C1QTNF1: variants seen among roughly 807,000 people sequenced by gnomAD.
The protein encoded by C1QTNF1 is complement C1q tumor necrosis factor-related protein 1.
In C1QTNF1, 22 loss-of-function variants were observed where a neutral mutation model predicts 27.8. That is an observed-to-expected ratio of 0.79 (90% CI 0.56 to 1.13). The LOEUF (loss-of-function observed/expected upper bound fraction) is 1.13. C1QTNF1 is among the 50% of genes most tolerant of loss of function. The pLI is 0.00. For synonymous variants in C1QTNF1, 166 were observed against 154.3 expected, an observed-to-expected ratio of 1.08 and a Z score of -0.56; for missense variants, 373 against 380.2, an observed-to-expected ratio of 0.98 and a Z score of 0.16.
rs182886833 is a variant in C1QTNF1 at position 79,046,729 on chromosome 17, G to A, written c.295+35G>A. 151 of 1,613,196 alleles carry A rather than the reference G, an allele frequency of 9.4e-5. No individual in the cohort carries two copies. The African/African-American group carries it at 1.5e-3, about 16-fold the overall frequency. ...CTGCAAAGACAAGCACGGGGTGGCC[G>A]GGCTGCTCTGTGCTGATCCGGAGGA... is the stretch of plus-strand genomic sequence containing the variant. On this transcript the variant is annotated intron_variant, in intron 3 of 3. Coordinates refer to ENST00000579760, the MANE Select transcript of C1QTNF1 (RefSeq NM_030968.5). This position sits in a 1 kb window ranked among gnomAD's most constrained non-coding sequence, Gnocchi z 4.8.
At chr17:79,036,532 A>G (rs1456543422) in intron 1 of C1QTNF1, among the ~76,000 whole-genome samples, 1 of 152,138 alleles carries the variant, frequency 6.6e-6, no homozygotes, top group African/African-American at 2.4e-5. Context: ...TGAAGAACTG[A>G]ATTTTGAATT....
At chr17:79,027,526 C>G (rs2072002596) in intron 1 of C1QTNF1, 2 of 152,316 alleles carry the variant, frequency 1.3e-5, no homozygotes, top group Non-Finnish European at 2.9e-5. Flanking sequence ...TGCTGGGGTC[C>G]TTGGCCTGGA....
rs1345267700 is a variant in C1QTNF1 at position 79,048,148 on chromosome 17, C to CAGGCTGACCCCACT, written c.*60_*61insAGGCTGACCCCACT. 3 of 947,766 alleles carry CAGGCTGACCCCACT rather than the reference C, an allele frequency of 3.2e-6. No homozygotes were observed. The highest frequency in any genetic ancestry group is 1.9e-4 in the East Asian group (2 of 10,364). 58.7% of individuals were successfully genotyped at this position (947,766 alleles called of 1,614,324 possible). On this transcript the variant is annotated 3_prime_UTR_variant, in exon 4 of 4. Transcript: ENST00000579760. Reference sequence around the variant, plus strand: ...CACCCCTGCGCTGTGCTGACCCCACCGCCTCTTCCCCGATCCCTGGACTCC... The same window carrying CAGGCTGACCCCACT: ...CACCCCTGCGCTGTGCTGACCCCACCAGGCTGACCCCACTGCCTCTTCCCCGATCCCTGGACTCC...
chr17:79,028,348 C>T lies in C1QTNF1; in HGVS notation c.-15+3854C>T, dbSNP rs577861427. Among the ~76,000 whole-genome samples, 143 of 152,342 alleles carry T rather than the reference C, an allele frequency of 9.4e-4. 5 individuals are homozygous for T. The South Asian group carries it at 0.029, about 31-fold the overall frequency. The stretch of plus-strand genomic sequence containing the variant: ...AACAGCCACCCTCTGCCCTGGGGAG[C>T]AGGGAAGCTGCTGGGAAAGCTGCCA... On this transcript the variant is annotated intron_variant, in intron 1 of 3. Transcript: ENST00000579760.
At chr17:79,028,543 G>C (rs62076468) in intron 1 of C1QTNF1, among the ~76,000 whole-genome samples, 11,617 of 152,276 alleles carry the variant, frequency 0.076, 537 homozygotes, top group Middle Eastern at 0.13. Flanking sequence ...GAAGGATCTG[G>C]GTGGGTTAGG....
In C1QTNF1 at chr17:79,048,133, C is replaced by T; in HGVS notation, c.*45C>T. The T allele has an allele frequency of 1.4e-6, 2 of 1,468,264 alleles. No homozygotes were observed. The highest frequency in any genetic ancestry group is 2.4e-5 in the East Asian group (1 of 41,850). The allele number at this position is 1,468,264 out of a possible 1,614,324, so 91.0% of individuals were successfully genotyped here. On this transcript the variant is annotated 3_prime_UTR_variant, in exon 4 of 4. Transcript: ENST00000579760. ...CCTCTCGCCACCTTCCACCCCTGCG[C>T]TGTGCTGACCCCACCGCCTCTTCCC...
chr17:79,041,715 G>A (rs114571525), intron 1 of C1QTNF1: 1 of 144,938 alleles, frequency 6.9e-6, no homozygotes, highest in African/African-American at 2.6e-5. Context: ...GAGGCGGAGT[G>A]AGCCGAGATC....
chr17:79,045,995 A>G (rs2072561101), intron 2 of C1QTNF1, among the ~76,000 whole-genome samples: 1 of 152,154 alleles, frequency 6.6e-6, no homozygotes, highest in Non-Finnish European at 1.5e-5. Flanking sequence ...AGCCTGGGCA[A>G]GAAGAGCCAC....
At chr17:79,038,944 G>A (rs1285307276) in intron 1 of C1QTNF1, among the ~76,000 whole-genome samples, 5 of 152,156 alleles carry the variant, frequency 3.3e-5, no homozygotes, top group African/African-American at 4.8e-5. Flanking sequence ...CTCTGACTCC[G>A]AACAGCAGGC....
At chr17:79,037,507 A>G (rs1599292852) in intron 1 of C1QTNF1, among the ~76,000 whole-genome samples, 1 of 151,504 alleles carries the variant, frequency 6.6e-6, no homozygotes, top group African/African-American at 2.4e-5. Context: ...CAAGTGATCC[A>G]CCCTCCTCGG....
chr17:79,040,730 CAAA>C lies in C1QTNF1; in HGVS notation c.-14-3203_-14-3201del, dbSNP rs60302649. Among the ~76,000 whole-genome samples, 141 of 56,940 alleles carry C rather than the reference CAAA, an allele frequency of 2.5e-3. 1 individual carries two copies. The highest frequency in any genetic ancestry group is 7.0e-3 in the African/African-American group (127 of 18,238). The allele number at this position is 56,940 out of a possible 152,430, so 37.4% of individuals were successfully genotyped here. ...GCAACATGGTGAAAATTTGTCTCTA[CAAA>C]AAAAAAAAAAAAAAAAAAAAATTAG... On this transcript the variant is annotated intron_variant, in intron 1 of 3. Transcript: ENST00000579760.
chr17:79,033,950 C>T (rs934881844), intron 1 of C1QTNF1, among the ~76,000 whole-genome samples: 5 of 152,064 alleles, frequency 3.3e-5, no homozygotes, highest in African/African-American at 4.8e-5. Context: ...GCCAAGCAGT[C>T]GGGGCGGGGC....
chr17:79,032,846 C>T (rs948035302), intron 1 of C1QTNF1, among the ~76,000 whole-genome samples: 7 of 152,000 alleles, frequency 4.6e-5, no homozygotes, highest in East Asian at 1.9e-4. Flanking sequence ...GCGGGTGGAT[C>T]GCTTTGAGGT....
chr17:79,045,078 G>T (rs543127306), intron 2 of C1QTNF1, among the ~76,000 whole-genome samples: 26 of 152,310 alleles, frequency 1.7e-4, no homozygotes, highest in African/African-American at 6.3e-4. Context: ...TGTAGTAGGG[G>T]TGTACCCATG....
intron 1 of C1QTNF1, among the ~76,000 whole-genome samples, chr17:79,033,531 T>C (rs2072189573): frequency 6.8e-6 from 1 of 147,726 alleles, no homozygotes. Context: ...ATCCTGTCTC[T>C]AAAAAAAAAA....
At chr17:79,032,038 G>A (rs934129813) in intron 1 of C1QTNF1, among the ~76,000 whole-genome samples, 2 of 152,200 alleles carry the variant, frequency 1.3e-5, no homozygotes, top group African/African-American at 4.8e-5. Context: ...GGTGAGGAGA[G>A]CATTGGAGCC....
At chr17:79,024,129 G>A (rs2071850270), upstream of C1QTNF1, 1 of 152,400 alleles carries the variant, frequency 6.6e-6, no homozygotes, top group African/African-American at 2.4e-5. Flanking sequence ...CTGCTGTTTG[G>A]ACGAAAAGCG....
intron 1 of C1QTNF1, among the ~76,000 whole-genome samples, chr17:79,026,675 A>T (rs2071971635): frequency 6.6e-6 from 1 of 152,134 alleles, no homozygotes; most frequent in South Asian, 2.1e-4. Context: ...TCATTCAGGG[A>T]GGCAGGAAGC....
At chr17:79,043,735 G>A (rs562591921) in intron 1 of C1QTNF1, 14 of 630,424 alleles carry the variant, frequency 2.2e-5, no homozygotes, top group African/African-American at 8.6e-5. Context: ...GTGCATGTGC[G>A]TGTGTGCACG....
Sources: allele counts gnomAD v4.1 joint callset (sites outside exome capture counted in the v4.1 genomes callset), GRCh38; gene constraint gnomAD v4.1.1; non-coding constraint Gnocchi (gnomAD v3.1); transcripts MANE v1.5; gene names NCBI Gene and HGNC (gene_info 2026-07-23, HGNC 2026-07-21).